NEDD8: variants seen among roughly 807,000 people sequenced by gnomAD.
The protein encoded by NEDD8 is ubiquitin-like protein NEDD8.
NEDD8 carries 1 observed loss-of-function variant against 13.8 expected under a neutral mutation model. The observed-to-expected ratio is 0.07, with a 90% CI of 0.03 to 0.34. NEDD8 has a LOEUF of 0.34. NEDD8 is among the 10% of genes least tolerant of loss of function. The probability of loss-of-function intolerance (pLI) is 0.99; values close to 1 mark genes in which losing one functional copy is unlikely to be tolerated. For missense variants in NEDD8, 10 were observed against 95.2 expected, an observed-to-expected ratio of 0.10 and a Z score of 3.73; for synonymous variants, 31 against 33.2, an observed-to-expected ratio of 0.93 and a Z score of 0.23.
Position 24,218,327 on chromosome 14 carries a change from T to C in NEDD8, c.66+57A>G, listed in dbSNP as rs139144945. 3.6e-4 allele frequency: 584 copies of C among 1,614,068 alleles called. 1 individual carries two copies. In the African/African-American group the frequency reaches 5.8e-3, roughly 16 times the overall value. ...AGCAAAAGGACCAAGTTCATAAGCA[T>C]ATGCAAACAAATACACATGGCAAGA... On this transcript the variant is annotated intron_variant, in intron 2 of 3. Transcript: ENST00000250495.
chr14:24,229,497 C>T (rs1454467125), intron 1 of NEDD8, among the ~76,000 whole-genome samples: 3 of 152,186 alleles, frequency 2.0e-5, no homozygotes, highest in Non-Finnish European at 4.4e-5. Context: ...GGATTACAGG[C>T]GTGAGCCACC....
intron 1 of NEDD8, among the ~76,000 whole-genome samples, chr14:24,224,823 C>G (rs1387251495): frequency 6.6e-6 from 1 of 152,108 alleles, no homozygotes; most frequent in Non-Finnish European, 1.5e-5. Context: ...GATCTAATTA[C>G]CAGCTGACAG....
chr14:24,223,878 C>A (rs2138893744), intron 1 of NEDD8, among the ~76,000 whole-genome samples: 1 of 151,576 alleles, frequency 6.6e-6, no homozygotes, highest in African/African-American at 2.4e-5. Flanking sequence ...GGGGTTACAG[C>A]CGCGTGTCAC....
chr14:24,230,215 T>C (rs2039968393), intron 1 of NEDD8, among the ~76,000 whole-genome samples: 1 of 66,448 alleles, frequency 1.5e-5, no homozygotes, highest in Non-Finnish European at 2.5e-5. Context: ...TGAGACTCTG[T>C]CTCAAAAAAA....
intron 1 of NEDD8, chr14:24,228,378 G>C (rs12880466): frequency 0.095 from 14,412 of 152,150 alleles, 904 homozygotes; most frequent in Non-Finnish European, 0.13. Flanking sequence ...GGGCGACAGA[G>C]TGAGACTCCA....
chr14:24,218,345 T>A lies in NEDD8; in HGVS notation c.66+39A>T, dbSNP rs771917458. 8.1e-6 allele frequency: 13 copies of A among 1,614,034 alleles called. No homozygotes were observed. The East Asian group carries it at 2.7e-4, about 33-fold the overall frequency. On this transcript the variant is annotated intron_variant, in intron 2 of 3. Transcript: ENST00000250495. ...ATAAGCATATGCAAACAAATACACA[T>A]GGCAAGAAGTACATGAAGAGGAGTT...
intron 1 of NEDD8, among the ~76,000 whole-genome samples, chr14:24,220,567 C>T (rs1254901935): frequency 4.6e-5 from 7 of 152,236 alleles, no homozygotes; most frequent in Admixed American, 4.6e-4. Flanking sequence ...AGTGATCCTC[C>T]TGCCTCGGCC....
chr14:24,231,346 A>G (rs2040011867), intron 1 of NEDD8, among the ~76,000 whole-genome samples: 1 of 152,216 alleles, frequency 6.6e-6, no homozygotes, highest in South Asian at 2.1e-4. Flanking sequence ...GTTTGGAAGG[A>G]CTGGGGAAGA....
chr14:24,231,190 C>G (rs1262479842), intron 1 of NEDD8, among the ~76,000 whole-genome samples: 2 of 152,182 alleles, frequency 1.3e-5, no homozygotes, highest in African/African-American at 4.8e-5. Context: ...CGCGCCCAGC[C>G]TATTTTCTCT....
rs2039746342 is a variant in NEDD8 at position 24,218,509 on chromosome 14, T to C, written c.19-78A>G. On this transcript the variant is annotated intron_variant, in intron 1 of 3. Transcript: ENST00000250495. ...TTCTAGGTAAAACATCCTATGTTGGTCTTTGGGATCTACTGCCTTCTAAAA... is the reference window on the plus strand; with the variant it reads ...TTCTAGGTAAAACATCCTATGTTGGCCTTTGGGATCTACTGCCTTCTAAAA... The C allele has an allele frequency of 3.7e-6, 6 of 1,602,012 alleles. No homozygotes were observed. The South Asian group carries it at 5.5e-5, about 15-fold the overall frequency.
chr14:24,230,286 G>C (rs2039970906), intron 1 of NEDD8, among the ~76,000 whole-genome samples: 1 of 137,740 alleles, frequency 7.3e-6, no homozygotes, highest in African/African-American at 2.9e-5. Context: ...TGTAATCCCA[G>C]CACTTTGGGA....
intron 1 of NEDD8, among the ~76,000 whole-genome samples, chr14:24,219,619 G>C (rs945769020): frequency 2.6e-5 from 4 of 151,900 alleles, no homozygotes; most frequent in African/African-American, 9.7e-5. Flanking sequence ...TAAGTTAAGG[G>C]CTGGTGATAT....
intron 3 of NEDD8, 57 bp from the exon 4 acceptor site, chr14:24,217,280 G>T (rs1031447586): frequency 1.8e-6 from 2 of 1,138,212 alleles, no homozygotes; most frequent in Non-Finnish European, 1.2e-6. Context: ...GTTTTTTGTT[G>T]TTGTTGTTGT....
intron 1 of NEDD8, among the ~76,000 whole-genome samples, chr14:24,220,530 C>T (rs2039788511): frequency 6.6e-6 from 1 of 152,150 alleles, no homozygotes; most frequent in Admixed American, 6.6e-5. Flanking sequence ...CTGTGTTGCT[C>T]AGGCTGGTTT....
chr14:24,232,121 G>T (rs1010308495), intron 1 of NEDD8, 129 bp downstream of exon 1: 8 of 1,448,794 alleles, frequency 5.5e-6, no homozygotes, highest in Non-Finnish European at 5.7e-6. Flanking sequence ...CACCCCTCGC[G>T]CGGAGCCCTG....
chr14:24,232,133 G>A (rs1045972445), intron 1 of NEDD8, 117 bp downstream of exon 1: 9 of 1,538,454 alleles, frequency 5.9e-6, no homozygotes, highest in African/African-American at 4.1e-5. Flanking sequence ...GGAGCCCTGA[G>A]GCAGTCAGCG....
chr14:24,217,807 G>A (rs1039385052), intron 3 of NEDD8: 1 of 232,914 alleles, frequency 4.3e-6, no homozygotes. Context: ...TAGGTATCTT[G>A]AAAATATTTC....
intron 1 of NEDD8, chr14:24,228,166 G>C (rs1324216850): frequency 6.6e-6 from 1 of 152,062 alleles, no homozygotes; most frequent in Non-Finnish European, 1.5e-5. Context: ...GGCTGAGGTG[G>C]GTGGATCACC....
intron 1 of NEDD8, among the ~76,000 whole-genome samples, chr14:24,221,700 C>T (rs534834759): frequency 1.3e-5 from 2 of 152,234 alleles, no homozygotes; most frequent in East Asian, 1.9e-4. Context: ...CAGGTTCAAG[C>T]AATTCTCCTA....
Sources: gnomAD v4.1 joint callset for allele counts (sites outside exome capture counted in the v4.1 genomes callset) on GRCh38, gnomAD v4.1.1 for gene constraint, MANE v1.5 for transcripts, NCBI Gene and HGNC (gene_info 2026-07-23, HGNC 2026-07-21) for gene names.